The following ZNF48 variants were observed in gnomAD, a reference collection of about 807,000 sequenced individuals.
ZNF48 encodes the protein zinc finger protein 553.
In ZNF48, 20 loss-of-function variants were observed where a neutral mutation model predicts 40.0. The ratio of observed to expected loss-of-function variants is 0.50; its 90% CI spans 0.35 to 0.73. ZNF48 has a LOEUF of 0.73. Ranked by LOEUF, ZNF48 falls within the 30% of genes least tolerant of loss-of-function variation. The pLI is 0.01. For missense variants in ZNF48, 726 were observed against 851.9 expected (o/e 0.85, Z 1.84); for synonymous variants, 298 against 329.7 (o/e 0.90, Z 1.04).
In ZNF48 at chr16:30,399,365, CTTG is replaced by C. The variant is rs1490028470; in HGVS notation, c.*262_*264del. The C allele has an allele frequency of 5.0e-6, 2 of 399,048 alleles. No individual in the cohort carries two copies. The highest frequency in any genetic ancestry group is 7.6e-5 in the East Asian group (2 of 26,250). 24.7% of individuals were successfully genotyped at this position (399,048 alleles called of 1,614,324 possible). ...CCTAGCACACAGTAGGCATTCAATACTTGTTGAATAAATAAACTGGCTTTCACC... is the reference window on the plus strand; with the variant it reads ...CCTAGCACACAGTAGGCATTCAATACTTGAATAAATAAACTGGCTTTCACC... On this transcript the variant is annotated 3_prime_UTR_variant, in exon 3 of 3. Transcript: ENST00000613509.
intron 1 of ZNF48, chr16:30,379,628 C>G (rs1324181264): frequency 2.1e-5 from 14 of 671,036 alleles, no homozygotes; most frequent in African/African-American, 3.9e-5. Context: ...CCTCTGCTTC[C>G]TGCCCCTTCC....
At chr16:30,378,394 C>T (rs778284741) in exon 1 of ZNF48, 1 of 1,519,582 alleles carries the variant, frequency 6.6e-7, no homozygotes, top group Non-Finnish European at 8.8e-7. Context: ...AAGAGGCCGA[C>T]TGAAGGCGGA....
chr16:30,378,784 G>T (rs2049790784), intron 1 of ZNF48: 1 of 1,374,206 alleles, frequency 7.3e-7, no homozygotes, highest in Non-Finnish European at 1.0e-6. Flanking sequence ...CCTGGGGCGA[G>T]GTTGGGGTCT....
At chr16:30,380,009 C>T in intron 1 of ZNF48, 1 of 1,612,718 alleles carries the variant, frequency 6.2e-7, no homozygotes, top group Non-Finnish European at 8.5e-7. Context: ...ATGTGGATCT[C>T]CTCTTCCTTC....
At position 30,395,853 on chromosome 16, in the gene ZNF48, C is replaced by T. The variant is rs770465967; in HGVS notation, c.59C>T (p.Pro20Leu). ...CTCCACCGCCCGGAGGAGAGGGAGC[C>T]ACAGAGAGGCGCCCGCACAGGTGAG... ...PDLHRPEERE[P>L]QRGARTGLGS... The change falls in exon 2 of 3, where the codon CCA becomes CTA. Residue 20 changes from proline (P) to leucine (L), a missense_variant. Around this residue, in one of 5 missense-constraint regions of ZNF48, gnomAD observed 151 missense variants for 162.3 expected, o/e 0.93. Transcript: ENST00000613509. The surrounding 1 kb of genome is among the most constrained non-coding windows in gnomAD (Gnocchi z 5.9). 3 of 1,545,168 alleles carry T rather than the reference C, an allele frequency of 1.9e-6. No homozygotes were observed. The highest frequency in any genetic ancestry group is 2.4e-5 in the South Asian group (2 of 84,234).
At chr16:30,383,094 A>G (rs1597010277) in intron 1 of ZNF48, 2 of 445,534 alleles carry the variant, frequency 4.5e-6, no homozygotes, top group Admixed American at 7.0e-5. Flanking sequence ...AGGTGGGAGG[A>G]TTGCATGAGC....
At chr16:30,394,965 C>T, upstream of ZNF48, 1 of 234,018 alleles carries the variant, frequency 4.3e-6, no homozygotes, top group Non-Finnish European at 8.9e-6. Context: ...TACCCACCCC[C>T]ACCCCGGGCC....
chr16:30,398,031 G>C lies in ZNF48; in HGVS notation c.781G>C (p.Ala261Pro), dbSNP rs2050005708. Residue 261 changes from alanine to proline, a missense_variant, in exon 3 of 3, where the codon GCC (alanine) becomes CCC (proline). Around this residue, in one of 5 missense-constraint regions of ZNF48, gnomAD observed 378 missense variants for 449.1 expected, o/e 0.84. Coordinates refer to ENST00000613509, the MANE Select transcript of ZNF48 (RefSeq NM_001214909.2). This position sits in a 1 kb window ranked among gnomAD's most constrained non-coding sequence, Gnocchi z 6.6. Reference protein sequence around the residue: ...VVPRRQPSRAATAATQGPKAQ... With the variant: ...VVPRRQPSRAPTAATQGPKAQ... ...GCCCCGACGGCAGCCATCTCGGGCAGCCACGGCAGCTACCCAGGGACCGAA... is the reference window on the plus strand; with the variant it reads ...GCCCCGACGGCAGCCATCTCGGGCACCCACGGCAGCTACCCAGGGACCGAA... 6.2e-7 allele frequency: 1 copy of C among 1,612,304 alleles called. No homozygotes were observed. Among genetic ancestry groups the C allele is most frequent in the South Asian group, 1.1e-5 (1 of 90,876 alleles).
intron 1 of ZNF48, among the ~76,000 whole-genome samples, chr16:30,387,659 A>G (rs1367746273): frequency 1.3e-5 from 2 of 148,272 alleles, no homozygotes; most frequent in African/African-American, 2.5e-5. Context: ...CCTGGGTTCA[A>G]GTGATTCTCC....
At chr16:30,384,213 TCAAA>T (rs904804393) in intron 1 of ZNF48, among the ~76,000 whole-genome samples, 23 of 145,734 alleles carry the variant, frequency 1.6e-4, no homozygotes, top group African/African-American at 3.3e-4. Context: ...AGACCCTATC[TCAAA>T]CAAACAAACA....
chr16:30,387,242 CT>C (rs746448381), intron 1 of ZNF48, among the ~76,000 whole-genome samples: 2,639 of 132,898 alleles, frequency 0.02, 34 homozygotes, highest in South Asian at 0.038. Context: ...CGCGCCCGGC[CT>C]TTTTTTTTTT....
Position 30,399,045 on chromosome 16 carries a change from T to G in ZNF48, c.1795T>G (p.Phe599Val). The change falls in exon 3 of 3, where the codon TTT becomes GTT. Residue 599 changes from phenylalanine (F) to valine (V), a missense_variant. Phe to Val is a conservative substitution (Grantham distance 50). Transcript: ENST00000613509. ...HQRGHLVLTPFGIGDGRARPL... is the reference protein window; with the variant it reads ...HQRGHLVLTPVGIGDGRARPL... ...GCGTGGGCACCTGGTCCTGACGCCC[T>G]TTGGGATAGGGGATGGTAGGGCAAG... The G allele has an allele frequency of 6.2e-7, 1 of 1,612,450 alleles. No individual in the cohort carries two copies. Among genetic ancestry groups the G allele is most frequent in the Non-Finnish European group, 8.5e-7 (1 of 1,179,186 alleles).
At chr16:30,383,443 C>T (rs565717974) in intron 1 of ZNF48, among the ~76,000 whole-genome samples, 10 of 152,316 alleles carry the variant, frequency 6.6e-5, no homozygotes, top group Non-Finnish European at 1.2e-4. Flanking sequence ...CCCGCCTCGG[C>T]CTCCCAAACT....
intron 1 of ZNF48, among the ~76,000 whole-genome samples, chr16:30,385,280 G>A (rs1057331320): frequency 6.6e-6 from 1 of 151,638 alleles, no homozygotes; most frequent in Non-Finnish European, 1.5e-5. Flanking sequence ...CTCCACCACC[G>A]GCCTTCCTCC....
In ZNF48 at chr16:30,398,274, GACAGCTCCGCCCGAGTCAA is replaced by G; in HGVS notation, c.1028_1046del (p.Ser343ThrfsTer49). ...CCCAGAGTGCGGCAAAGGTTTCGCG[GACAGCTCCGCCCGAGTCAA>G]ACACCTCCGCACCCACAGTGGCGAG... On this transcript the variant is annotated frameshift_variant, in exon 3 of 3. Transcript: ENST00000613509. LOFTEE classifies it high-confidence loss of function. The surrounding 1 kb of genome is among the most constrained non-coding windows in gnomAD (Gnocchi z 6.6). The G allele has an allele frequency of 6.2e-7, 1 of 1,613,420 alleles. No individual in the cohort carries two copies.
At chr16:30,391,899 A>AT (rs1368973391), upstream of ZNF48, among the ~76,000 whole-genome samples, 13 of 149,176 alleles carry the variant, frequency 8.7e-5, no homozygotes, top group African/African-American at 3.2e-4. Context: ...GTGCAGTGGC[A>AT]TGATCTCAGC....
chr16:30,393,615 C>A (rs1011397090), upstream of ZNF48, among the ~76,000 whole-genome samples: 7 of 152,180 alleles, frequency 4.6e-5, no homozygotes, highest in African/African-American at 1.7e-4. Flanking sequence ...AAACTCCTGA[C>A]CTCATGTAAT....
At position 30,381,999 on chromosome 16, in the gene ZNF48, A is replaced by C; in HGVS notation, c.-16+3589A>C. 1 of 1,603,206 alleles carries C rather than the reference A, an allele frequency of 6.2e-7. No homozygotes were observed. The highest frequency in any genetic ancestry group is 8.5e-7 in the Non-Finnish European group (1 of 1,172,452). The stretch of plus-strand genomic sequence containing the variant: ...CCCAGGGGAGGAAAGTCTCAGAAAA[A>C]AAGCAGTCAACTACCTGAGTCCCCA... On this transcript the variant is annotated intron_variant, in intron 1 of 2. Transcript: ENST00000528032. The surrounding 1 kb of genome is among the most constrained non-coding windows in gnomAD (Gnocchi z 4.3).
chr16:30,393,408 G>A (rs779680921), upstream of ZNF48, among the ~76,000 whole-genome samples: 31 of 149,254 alleles, frequency 2.1e-4, no homozygotes, highest in Non-Finnish European at 4.0e-4. Context: ...TTTTTGAGAC[G>A]CAGTCTGACT....
Sources: gnomAD v4.1 joint callset for allele counts (sites outside exome capture counted in the v4.1 genomes callset) on GRCh38, gnomAD v4.1.1 for gene constraint, gnomAD v4.1.1 regional missense constraint, Gnocchi (gnomAD v3.1) non-coding constraint, MANE v1.5 for transcripts, NCBI Gene and HGNC (gene_info 2026-07-23, HGNC 2026-07-21) for gene names.